The following IFT74 variants were observed in gnomAD, a reference collection of about 807,000 sequenced individuals.
IFT74 encodes intraflagellar transport protein 74 homolog.
Under a neutral mutation model 96.7 loss-of-function variants are expected in IFT74, and 92 were observed. The ratio of observed to expected loss-of-function variants is 0.95; its 90% CI spans 0.80 to 1.13. The LOEUF (loss-of-function observed/expected upper bound fraction) is 1.13, where lower values mean the gene tolerates loss of function less well. Among genes scored for constraint, IFT74 ranks in the 50% most tolerant of loss-of-function variants. The probability of loss-of-function intolerance (pLI) is 0.00; values close to 1 mark genes in which losing one functional copy is unlikely to be tolerated. For synonymous variants in IFT74, 223 were observed against 213.2 expected (o/e 1.05, Z -0.40); for missense variants, 811 against 698.2 (o/e 1.16, Z -1.82).
chr9:26,981,062 G>A (rs1380915907), intron 4 of IFT74, among the ~76,000 whole-genome samples: 3 of 152,108 alleles, frequency 2.0e-5, no homozygotes, highest in Non-Finnish European at 4.4e-5. Context: ...GAGTGGAAGG[G>A]CAAAAGGTGC....
In IFT74 at chr9:26,978,355, A is replaced by G. The variant is rs533156877; in HGVS notation, c.256+92A>G. 1,215 of 1,317,104 alleles carry G rather than the reference A, an allele frequency of 9.2e-4. 2 individuals carry two copies. The highest frequency in any genetic ancestry group is 1.1e-3 in the Non-Finnish European group (1,093 of 954,666). 81.6% of individuals were successfully genotyped at this position (1,317,104 alleles called of 1,614,324 possible). On this transcript the variant is annotated intron_variant, in intron 3 of 19. Transcript: ENST00000380062. ...ATTTAAAAAAGTAAAAGTTGAGTAT[A>G]TTTTGAACAATAAGTATTACAGTAC...
intron 19 of IFT74, 62 bp from the exon 20 acceptor site, chr9:27,062,556 C>T: frequency 1.1e-6 from 1 of 874,300 alleles, no homozygotes; most frequent in South Asian, 1.6e-5. Flanking sequence ...GTATTTAGTT[C>T]CTTTCTCAGG....
chr9:26,976,854 T>C (rs1014326114), intron 2 of IFT74: 1 of 444,692 alleles, frequency 2.2e-6, no homozygotes, highest in South Asian at 1.6e-5. Context: ...TTATGTTGGA[T>C]TTTGCATACC....
At chr9:26,965,207 T>A (rs1344037936) in intron 2 of IFT74, among the ~76,000 whole-genome samples, 1 of 152,118 alleles carries the variant, frequency 6.6e-6, no homozygotes, top group Non-Finnish European at 1.5e-5. Flanking sequence ...ATACATAGAA[T>A]TGAAATGGAA....
intron 1 of IFT74, among the ~76,000 whole-genome samples, chr9:26,960,813 C>A (rs559039271): frequency 2.0e-5 from 3 of 151,674 alleles, no homozygotes; most frequent in African/African-American, 7.3e-5. Flanking sequence ...CTCCATGTCT[C>A]GCCATGGCTA....
chr9:27,042,677 A>G (rs540536846), intron 13 of IFT74, among the ~76,000 whole-genome samples: 1 of 152,286 alleles, frequency 6.6e-6, no homozygotes, highest in East Asian at 1.9e-4. Context: ...AATCCTTGTA[A>G]AGTCTAGGAT....
intron 6 of IFT74, among the ~76,000 whole-genome samples, chr9:26,985,422 A>G (rs886816624): frequency 6.6e-6 from 1 of 152,208 alleles, no homozygotes; most frequent in Non-Finnish European, 1.5e-5. Context: ...AAACCTGCAC[A>G]TGTACCCCTG....
At chr9:26,954,447 T>C (rs1000203073), upstream of IFT74, among the ~76,000 whole-genome samples, 1 of 152,194 alleles carries the variant, frequency 6.6e-6, no homozygotes, top group African/African-American at 2.4e-5. Context: ...AAACCACTTA[T>C]GATTTGGAGC....
intron 4 of IFT74, among the ~76,000 whole-genome samples, chr9:26,981,660 T>G (rs1827381004): frequency 6.6e-6 from 1 of 152,140 alleles, no homozygotes; most frequent in Non-Finnish European, 1.5e-5. Context: ...CCTCAAATGA[T>G]CTGCCCATCT....
chr9:26,974,807 G>C (rs965067830), intron 2 of IFT74, among the ~76,000 whole-genome samples: 6 of 152,106 alleles, frequency 3.9e-5, no homozygotes, highest in African/African-American at 1.4e-4. Flanking sequence ...ACCCCATAAG[G>C]GTCATCCAAC....
chr9:26,976,522 T>C, intron 2 of IFT74: 1 of 312,748 alleles, frequency 3.2e-6, no homozygotes, highest in Non-Finnish European at 6.3e-6. Context: ...TTAAACTTTC[T>C]TAGATAAGGT....
rs149697813 is a variant in IFT74 at position 27,023,260 on chromosome 9, A to G, written c.974+4573A>G. Reference sequence around the variant, plus strand: ...CCAGTTCTTAGGGGGAATGCTTTCAACTTTCCCCTGTTCAGTATAATGTTG... The same window carrying G: ...CCAGTTCTTAGGGGGAATGCTTTCAGCTTTCCCCTGTTCAGTATAATGTTG... On this transcript the variant is annotated intron_variant, in intron 12 of 19. Coordinates refer to ENST00000380062, the MANE Select transcript of IFT74 (RefSeq NM_025103.4). Among the ~76,000 whole-genome samples the G allele has an allele frequency of 3.9e-4, 60 of 152,256 alleles. 1 individual carries two copies. In the East Asian group the frequency reaches 0.011, roughly 29 times the overall value.
In IFT74 at chr9:27,056,378, C is replaced by T. The variant is rs1129458; in HGVS notation, c.1542C>T (p.Ala514=). The T allele has an allele frequency of 0.022, 35,576 of 1,595,320 alleles. 499 individuals are homozygous for T. The highest frequency in any genetic ancestry group is 0.026 in the Non-Finnish European group (30,035 of 1,167,704). ...TGATATTATCAACCCACAGAAATGC[C>T]TTTAAGAAAATAATGGAGAAGCAAA... ...ERMILSTHRN[A]FKKIMEKQNI... is the part of the protein sequence containing the mutation. The change falls in exon 18 of 20, where the codon GCC becomes GCT. Residue 514 remains alanine (A), a synonymous_variant. Transcript: ENST00000380062.
At position 27,044,804 on chromosome 9, in the gene IFT74, T is replaced by G. The variant is rs1819629263; in HGVS notation, c.1108+9T>G. 1 of 1,452,054 alleles carries G rather than the reference T, an allele frequency of 6.9e-7. No individual in the cohort carries two copies. The highest frequency in any genetic ancestry group is 1.4e-5 in the African/African-American group (1 of 70,306). The allele number at this position is 1,452,054 out of a possible 1,614,324, so 89.9% of individuals were successfully genotyped here. On this transcript the variant is annotated intron_variant, in intron 14 of 19. Coordinates refer to ENST00000380062, the MANE Select transcript of IFT74 (RefSeq NM_025103.4). ...GGAGGAACATATGGACAGTAAGTGATATTCTTGTAGATATAAAAATATAAT... is the reference window on the plus strand; with the variant it reads ...GGAGGAACATATGGACAGTAAGTGAGATTCTTGTAGATATAAAAATATAAT...
intron 7 of IFT74, among the ~76,000 whole-genome samples, chr9:26,989,043 T>G (rs1391090136): frequency 1.3e-5 from 2 of 152,206 alleles, no homozygotes; most frequent in Non-Finnish European, 2.9e-5. Flanking sequence ...CTGGCTTAGT[T>G]TAAGCACAAA....
chr9:27,004,381 C>T (rs1348349356), intron 8 of IFT74, among the ~76,000 whole-genome samples: 2 of 152,098 alleles, frequency 1.3e-5, no homozygotes, highest in Non-Finnish European at 2.9e-5. Flanking sequence ...TCTAAAGCAT[C>T]GTTAGGTCTG....
At chr9:26,994,577 C>T (rs1379670817) in intron 8 of IFT74, 1 of 152,014 alleles carries the variant, frequency 6.6e-6, no homozygotes, top group Admixed American at 6.6e-5. Flanking sequence ...CTTGTTTCAC[C>T]TTGTTTAAAC....
intron 8 of IFT74, chr9:26,996,275 A>G: frequency 8.3e-7 from 1 of 1,208,466 alleles, no homozygotes; most frequent in Non-Finnish European, 1.1e-6. Context: ...AGTATGATAC[A>G]TTCAGCAGTG....
intron 13 of IFT74, among the ~76,000 whole-genome samples, chr9:27,038,192 T>C (rs549076660): frequency 1.6e-4 from 24 of 152,358 alleles, no homozygotes; most frequent in African/African-American, 5.5e-4. Flanking sequence ...GAAGCCATTA[T>C]GGAATGAGGT....
Sources: allele counts gnomAD v4.1 joint callset (sites outside exome capture counted in the v4.1 genomes callset), GRCh38; gene constraint gnomAD v4.1.1; transcripts MANE v1.5; gene names NCBI Gene and HGNC (gene_info 2026-07-23, HGNC 2026-07-21).